The following PRKCH variants were observed in gnomAD, a reference collection of about 807,000 sequenced individuals.
The protein encoded by PRKCH is protein kinase C eta type.
A neutral mutation model predicts 82.5 loss-of-function variants in PRKCH; 28 were observed. The observed-to-expected ratio is 0.34, with a 90% CI of 0.25 to 0.47. PRKCH has a LOEUF of 0.47. Among genes scored for constraint, PRKCH ranks in the 20% least tolerant of loss-of-function variants. The pLI, the probability that PRKCH is intolerant of heterozygous loss-of-function variation, is 1.00. For missense variants in PRKCH, 705 were observed against 881.8 expected (o/e 0.80, Z 2.54); for synonymous variants, 322 against 327.4 (o/e 0.98, Z 0.18).
At chr14:61,295,239 T>A (rs907594572) in intron 1 of PRKCH, among the ~76,000 whole-genome samples, 8 of 152,202 alleles carry the variant, frequency 5.3e-5, no homozygotes, top group African/African-American at 1.9e-4. Context: ...GAAAAAGGAT[T>A]CTGTATTTTA....
chr14:61,248,768 GTA>G (rs2044909809), intron 1 of PRKCH, among the ~76,000 whole-genome samples: 1 of 100,644 alleles, frequency 9.9e-6, no homozygotes, highest in African/African-American at 6.3e-5. Flanking sequence ...ATGTATGTAT[GTA>G]TGTATGTATG....
chr14:61,406,671 G>A (rs980227991), intron 2 of PRKCH, among the ~76,000 whole-genome samples: 4 of 152,146 alleles, frequency 2.6e-5, no homozygotes, highest in Admixed American at 6.5e-5. Context: ...CAGTGTTTGG[G>A]TTCCAGTGGC....
At chr14:61,262,348 C>T (rs1182036780) in intron 1 of PRKCH, among the ~76,000 whole-genome samples, 1 of 152,024 alleles carries the variant, frequency 6.6e-6, no homozygotes, top group Non-Finnish European at 1.5e-5. Flanking sequence ...AAACACTACT[C>T]AGCAATAAAA....
At chr14:61,445,000 C>T (rs1381374163) in intron 3 of PRKCH, among the ~76,000 whole-genome samples, 12 of 152,252 alleles carry the variant, frequency 7.9e-5, no homozygotes, top group East Asian at 3.9e-4. Context: ...TGCTGCCTCC[C>T]GTGGCTTTTT....
chr14:61,510,708 C>T (rs1377662879), intron 10 of PRKCH, among the ~76,000 whole-genome samples: 4 of 151,528 alleles, frequency 2.6e-5, no homozygotes, highest in African/African-American at 4.8e-5. Flanking sequence ...CTTGAACTCA[C>T]GGGACTCAAC....
intron 10 of PRKCH, among the ~76,000 whole-genome samples, chr14:61,504,909 A>G (rs571849200): frequency 6.6e-6 from 1 of 152,228 alleles, no homozygotes; most frequent in East Asian, 1.9e-4. Flanking sequence ...CTCATTCAAC[A>G]AATGTTAATT....
At position 61,373,532 on chromosome 14, in the gene PRKCH, CT is replaced by C. The variant is rs1191533571; in HGVS notation, c.364-17692del. ...AGAGCCAGACCATATCATTCCGCCC[CT>C]GGCCCCTCCCAAATCTCATGTCCTT... On this transcript the variant is annotated intron_variant, in intron 1 of 13. Transcript: ENST00000332981. 4.6e-5 allele frequency among the ~76,000 whole-genome samples: 7 copies of C among 152,108 alleles called. No homozygotes were observed. The South Asian group carries it at 6.2e-4, about 14-fold the overall frequency.
intron 1 of PRKCH, among the ~76,000 whole-genome samples, chr14:61,270,727 CG>C (rs2045143997): frequency 6.6e-6 from 1 of 152,176 alleles, no homozygotes. Context: ...AATCCCAGCA[CG>C]TAGTGAGACT....
At chr14:61,372,641 A>G (rs1371542080) in intron 1 of PRKCH, among the ~76,000 whole-genome samples, 1 of 152,048 alleles carries the variant, frequency 6.6e-6, no homozygotes, top group East Asian at 1.9e-4. Flanking sequence ...CCTTAGATCT[A>G]GAGTCCATAC....
intron 1 of PRKCH, among the ~76,000 whole-genome samples, chr14:61,286,755 G>A (rs1007580919): frequency 1.1e-4 from 16 of 151,736 alleles, no homozygotes; most frequent in African/African-American, 3.6e-4. Flanking sequence ...CAACCTGGGC[G>A]ACAAAAGCGA....
At chr14:61,415,207 AACTT>A (rs1882490545) in intron 2 of PRKCH, among the ~76,000 whole-genome samples, 1 of 152,140 alleles carries the variant, frequency 6.6e-6, no homozygotes, top group Non-Finnish European at 1.5e-5. Context: ...CTTTCCTACT[AACTT>A]AAAAGCAATT....
At chr14:61,311,744 T>G (rs2045526203) in intron 1 of PRKCH, among the ~76,000 whole-genome samples, 1 of 152,248 alleles carries the variant, frequency 6.6e-6, no homozygotes, top group African/African-American at 2.4e-5. Flanking sequence ...CTCAGGAAAC[T>G]TATTTCGGTT....
At chr14:61,198,471 A>G (rs750702466) in intron 1 of PRKCH, among the ~76,000 whole-genome samples, 5 of 152,006 alleles carry the variant, frequency 3.3e-5, no homozygotes, top group Admixed American at 6.5e-5. Flanking sequence ...CTCCTTCCCT[A>G]TGTCCCCTAA....
chr14:61,321,354 C>G (rs1015255720), upstream of PRKCH, among the ~76,000 whole-genome samples: 2 of 152,210 alleles, frequency 1.3e-5, no homozygotes, highest in African/African-American at 4.8e-5. This position sits in a 1 kb window ranked among gnomAD's most constrained non-coding sequence, Gnocchi z 4.1. Flanking sequence ...GGTGTTTGCT[C>G]GGGCTGGGCC....
chr14:61,289,965 C>T (rs1158488475), intron 1 of PRKCH, among the ~76,000 whole-genome samples: 1 of 152,078 alleles, frequency 6.6e-6, no homozygotes, highest in Non-Finnish European at 1.5e-5. Flanking sequence ...AAGCCATTAG[C>T]TCAGAAGAAC....
At chr14:61,224,858 T>G (rs1250991970) in intron 1 of PRKCH, among the ~76,000 whole-genome samples, 1 of 152,182 alleles carries the variant, frequency 6.6e-6, no homozygotes, top group Non-Finnish European at 1.5e-5. Context: ...CGGTGTTTCT[T>G]CATCTGTGTG....
intron 1 of PRKCH, among the ~76,000 whole-genome samples, chr14:61,232,118 G>T (rs1194092879): frequency 6.6e-6 from 1 of 152,212 alleles, no homozygotes; most frequent in African/African-American, 2.4e-5. Flanking sequence ...TGACCCATCT[G>T]CTATAAATGG....
chr14:61,430,149 A>C (rs1883314045), intron 2 of PRKCH, among the ~76,000 whole-genome samples: 1 of 152,248 alleles, frequency 6.6e-6, no homozygotes, highest in African/African-American at 2.4e-5. Flanking sequence ...ATTTTAAAAA[A>C]ATGAGCAAAA....
At chr14:61,291,295 A>G (rs1185776442) in intron 1 of PRKCH, among the ~76,000 whole-genome samples, 1 of 148,288 alleles carries the variant, frequency 6.7e-6, no homozygotes, top group African/African-American at 2.5e-5. Flanking sequence ...AATAGCTAAG[A>G]TCAATTGTCT....
Sources: allele counts gnomAD v4.1 joint callset (sites outside exome capture counted in the v4.1 genomes callset), GRCh38; gene constraint gnomAD v4.1.1; non-coding constraint Gnocchi (gnomAD v3.1); transcripts MANE v1.5; gene names NCBI Gene and HGNC (gene_info 2026-07-23, HGNC 2026-07-21).